TENM2: variants seen among roughly 807,000 people sequenced by gnomAD.
TENM2 encodes teneurin transmembrane protein 2.
A neutral mutation model predicts 245.2 loss-of-function variants in TENM2; 52 were observed. The observed-to-expected ratio is 0.21, with a 90% CI of 0.17 to 0.27. TENM2 has a LOEUF of 0.27. Ranked by LOEUF, TENM2 falls within the 10% of genes least tolerant of loss-of-function variation. The probability of loss-of-function intolerance (pLI) is 1.00; values close to 1 mark genes in which losing one functional copy is unlikely to be tolerated. For synonymous variants in TENM2, 1,363 were observed against 1,438.9 expected, an observed-to-expected ratio of 0.95 and a Z score of 1.19; for missense variants, 3,046 against 3,666.8, an observed-to-expected ratio of 0.83 and a Z score of 4.37.
intron 2 of TENM2, among the ~76,000 whole-genome samples, chr5:167,572,905 T>G (rs1296304819): frequency 1.3e-5 from 2 of 152,142 alleles, no homozygotes; most frequent in South Asian, 2.1e-4. Flanking sequence ...CAGAAATAAT[T>G]TAGGTTTTTC....
At chr5:166,984,793 A>G in the TENM2 span, among the ~76,000 whole-genome samples, 8 of 152,134 alleles carry the variant, frequency 5.3e-5, no homozygotes, top group African/African-American at 1.7e-4. Context: ...AGACTTTCTG[A>G]TCTTAATTAT....
In TENM2 at chr5:168,154,147, T is replaced by TAAAAAAAAAAAAAAA. The variant is rs70976465; in HGVS notation, c.2423-8459_2423-8445dup. On this transcript the variant is annotated intron_variant, in intron 12 of 28. Coordinates refer to ENST00000518659, the Ensembl canonical transcript of TENM2. ...CATTTCCTCACATGATCACCTACTT[T>TAAAAAAAAAAAAAAA]AAAAAAAAAAAAAAAAAAACAGTAA... Among the ~76,000 whole-genome samples the TAAAAAAAAAAAAAAA allele has an allele frequency of 4.7e-4, 40 of 85,062 alleles. 2 individuals are homozygous for TAAAAAAAAAAAAAAA. The highest frequency in any genetic ancestry group is 1.5e-3 in the East Asian group (4 of 2,634). The allele number at this position is 85,062 out of a possible 152,430, so 55.8% of individuals were successfully genotyped here.
intron 1 of TENM2, among the ~76,000 whole-genome samples, chr5:167,354,757 A>C (rs1759196567): frequency 6.6e-6 from 1 of 152,164 alleles, no homozygotes; most frequent in South Asian, 2.1e-4. Flanking sequence ...TTTTGTTCTG[A>C]TATTTTTCAT....
rs578069092 is a variant in TENM2 at position 167,675,495 on chromosome 5, G to T, written c.503-200491G>T. ...GTGTTCAACGACTTGTTATTGCTATGTTCACGTGTCACCAGGACTGCCTGG... is the reference window on the plus strand; with the variant it reads ...GTGTTCAACGACTTGTTATTGCTATTTTCACGTGTCACCAGGACTGCCTGG... On this transcript the variant is annotated intron_variant, in intron 2 of 28. Transcript: ENST00000518659. Among the ~76,000 whole-genome samples the T allele has an allele frequency of 5.3e-5, 8 of 152,180 alleles. No homozygotes were observed. In the South Asian group the frequency reaches 1.7e-3, roughly 32 times the overall value.
chr5:167,318,492 A>G (rs1003786916), intron 1 of TENM2, among the ~76,000 whole-genome samples: 1 of 152,110 alleles, frequency 6.6e-6, no homozygotes, highest in South Asian at 2.1e-4. Context: ...AGATAAGTGC[A>G]CATTATAACT....
intron 25 of TENM2, among the ~76,000 whole-genome samples, chr5:168,234,283 A>C (rs2152648577): frequency 6.6e-6 from 1 of 152,262 alleles, no homozygotes; most frequent in Admixed American, 6.5e-5. Flanking sequence ...ATCTCATGGA[A>C]GAAAGATTGA....
chr5:167,928,214 C>G (rs191958362), intron 3 of TENM2, among the ~76,000 whole-genome samples: 1 of 152,176 alleles, frequency 6.6e-6, no homozygotes, highest in Non-Finnish European at 1.5e-5. Flanking sequence ...TCCTTACCCT[C>G]TCTAGGAGCC....
At chr5:168,138,864 C>T (rs1755291002) in intron 12 of TENM2, among the ~76,000 whole-genome samples, 1 of 152,172 alleles carries the variant, frequency 6.6e-6, no homozygotes, top group Admixed American at 6.6e-5. Context: ...CTGGGTGTGA[C>T]ACATGAGCCA....
chr5:167,664,471 C>A (rs1755443646), intron 2 of TENM2, among the ~76,000 whole-genome samples: 1 of 152,150 alleles, frequency 6.6e-6, no homozygotes, highest in South Asian at 2.1e-4. Flanking sequence ...GGGAGTCACA[C>A]TCAGCCCCTG....
At chr5:167,048,812 T>G in the TENM2 span, among the ~76,000 whole-genome samples, 1 of 152,112 alleles carries the variant, frequency 6.6e-6, no homozygotes, top group East Asian at 1.9e-4. Context: ...CCCAAGAAAA[T>G]TAAGGCATTG....
At chr5:167,775,256 C>A (rs1763688044) in intron 2 of TENM2, among the ~76,000 whole-genome samples, 1 of 152,234 alleles carries the variant, frequency 6.6e-6, no homozygotes, top group Non-Finnish European at 1.5e-5. Flanking sequence ...GCATGAGCCA[C>A]TGTGCCTGGC....
chr5:167,598,390 G>A (rs914891819), intron 2 of TENM2, among the ~76,000 whole-genome samples: 1 of 152,124 alleles, frequency 6.6e-6, no homozygotes, highest in African/African-American at 2.4e-5. Flanking sequence ...TTTTCCTATT[G>A]CCATGGTGAT....
the TENM2 span, among the ~76,000 whole-genome samples, chr5:167,132,123 C>T: frequency 3.3e-5 from 5 of 152,062 alleles, no homozygotes; most frequent in Non-Finnish European, 7.4e-5. Flanking sequence ...GCCTGGCCCT[C>T]TTTGGTATTT....
At chr5:167,070,132 T>TATTTATTTATTTATTTATTTATTTA in the TENM2 span, among the ~76,000 whole-genome samples, 19 of 150,228 alleles carry the variant, frequency 1.3e-4, no homozygotes, top group South Asian at 6.3e-4. Context: ...TTTATTTATT[T>TATTTATTTATTTATTTATTTATTTA]TTTGAGACAG....
chr5:167,989,298 G>GAGAGAGAGAGAGAGAA (rs772430462), intron 4 of TENM2, among the ~76,000 whole-genome samples: 2 of 147,656 alleles, frequency 1.4e-5, no homozygotes, highest in African/African-American at 5.1e-5. Context: ...GAGAGAGAGA[G>GAGAGAGAGAGAGAGAA]AGATAGATAG....
chr5:167,351,967 T>C (rs1395160229), intron 1 of TENM2, among the ~76,000 whole-genome samples: 2 of 152,234 alleles, frequency 1.3e-5, no homozygotes, highest in Non-Finnish European at 2.9e-5. Flanking sequence ...TGTTTTATTT[T>C]TTAATAAAAG....
chr5:168,073,756 T>C (rs1791227927), intron 7 of TENM2, among the ~76,000 whole-genome samples: 1 of 152,234 alleles, frequency 6.6e-6, no homozygotes, highest in Non-Finnish European at 1.5e-5. Context: ...ACTTACGGTT[T>C]CTAACTGTTT....
At chr5:167,441,338 C>T (rs1405280565) in intron 2 of TENM2, among the ~76,000 whole-genome samples, 2 of 152,104 alleles carry the variant, frequency 1.3e-5, no homozygotes, top group African/African-American at 4.8e-5. Flanking sequence ...TGGCTGTTAC[C>T]CATCTCTACA....
intron 2 of TENM2, among the ~76,000 whole-genome samples, chr5:167,645,069 G>A (rs1456094730): frequency 6.6e-6 from 1 of 152,110 alleles, no homozygotes; most frequent in Admixed American, 6.5e-5. Context: ...ACACAGAAAA[G>A]GTACAGTAAA....
Sources: allele counts gnomAD v4.1 joint callset (sites outside exome capture counted in the v4.1 genomes callset), GRCh38; gene constraint gnomAD v4.1.1; transcripts MANE v1.5; gene names NCBI Gene and HGNC (gene_info 2026-07-23, HGNC 2026-07-21).